Variants in HTR2C observed in about 807,000 individuals in gnomAD.
HTR2C encodes the protein 5-hydroxytryptamine receptor 2C.
A neutral mutation model predicts 21.0 loss-of-function variants in HTR2C; 5 were observed. The observed-to-expected ratio is 0.24, with a 90% CI of 0.12 to 0.50. The LOEUF (loss-of-function observed/expected upper bound fraction) is 0.50. HTR2C is among the 20% of genes least tolerant of loss of function. The pLI, the probability that HTR2C is intolerant of heterozygous loss-of-function variation, is 0.98. For missense variants in HTR2C, 271 were observed against 371.2 expected, an observed-to-expected ratio of 0.73 and a Z score of 2.22; for synonymous variants, 150 against 145.3, an observed-to-expected ratio of 1.03 and a Z score of -0.23.
chrX:114,642,783 G>T (rs1366843617), intron 2 of HTR2C, among the ~76,000 whole-genome samples: 1 of 100,344 alleles, frequency 1.0e-5, no homozygotes, highest in Non-Finnish European at 2.0e-5. Flanking sequence ...GCAGTGGATT[G>T]TAATTTTTTA....
At chrX:114,854,351 A>T (rs782466451) in intron 5 of HTR2C, among the ~76,000 whole-genome samples, 17 of 111,604 alleles carry the variant, frequency 1.5e-4, no homozygotes, top group African/African-American at 5.2e-4. Flanking sequence ...TAGCTCTATT[A>T]AAAAAAGCTA....
At chrX:114,628,737 T>C (rs1317233605) in intron 2 of HTR2C, among the ~76,000 whole-genome samples, 16 of 111,734 alleles carry the variant, frequency 1.4e-4, no homozygotes, top group African/African-American at 4.9e-4. Context: ...AAGGTAGTGA[T>C]AGAATAACAG....
In HTR2C at chrX:114,850,577, G is replaced by A. The variant is rs782374959; in HGVS notation, c.550+2374G>A. Among the ~76,000 whole-genome samples the A allele has an allele frequency of 8.1e-5, 9 of 111,494 alleles. No individual in the cohort carries two copies. In the South Asian group the frequency reaches 3.4e-3, roughly 42 times the overall value. On this transcript the variant is annotated intron_variant, in intron 5 of 5. Transcript: ENST00000276198. ...AGCTACTCAGAAGGTTGAGGCAGGA[G>A]CATCACTTGAACTCAAGTGTCTTGA...
At chrX:114,887,045 T>A (rs1556481730) in intron 5 of HTR2C, among the ~76,000 whole-genome samples, 1 of 112,247 alleles carries the variant, frequency 8.9e-6, no homozygotes, top group Non-Finnish European at 1.9e-5. Context: ...CATGCCATAG[T>A]AAAAAATGTG....
chrX:114,738,786 C>T (rs1017417034), intron 4 of HTR2C, among the ~76,000 whole-genome samples: 3 of 108,597 alleles, frequency 2.8e-5, no homozygotes, highest in Non-Finnish European at 5.7e-5. Flanking sequence ...TCGCATGTAT[C>T]CCAGAACTTA....
chrX:114,889,072 A>C (rs1455731857), intron 5 of HTR2C, among the ~76,000 whole-genome samples: 1 of 112,031 alleles, frequency 8.9e-6, no homozygotes, highest in Non-Finnish European at 1.9e-5. Flanking sequence ...CAATTTAAAT[A>C]TTATAATGTA....
intron 4 of HTR2C, among the ~76,000 whole-genome samples, chrX:114,749,706 A>T (rs2069743214): frequency 9.0e-6 from 1 of 110,829 alleles, no homozygotes; most frequent in Non-Finnish European, 1.9e-5. Flanking sequence ...GTTAAAAAAC[A>T]AAAACAACAA....
chrX:114,681,451 T>C (rs1931743699), intron 2 of HTR2C, among the ~76,000 whole-genome samples: 2 of 110,872 alleles, frequency 1.8e-5, no homozygotes, highest in South Asian at 7.6e-4. Flanking sequence ...GATGAAACAA[T>C]TGATGCTTCA....
Position 114,866,618 on chromosome X carries a change from C to T in HTR2C, c.550+18415C>T, listed in dbSNP as rs782568979. On this transcript the variant is annotated intron_variant, in intron 5 of 5. Transcript: ENST00000276198. Reference sequence around the variant, plus strand: ...CATTCTTTCTATTTTTTTTTGTACCCGTTAACCATCCCCATCTCTCCCCCC... The same window carrying T: ...CATTCTTTCTATTTTTTTTTGTACCTGTTAACCATCCCCATCTCTCCCCCC... 1.3e-4 allele frequency among the ~76,000 whole-genome samples: 14 copies of T among 108,835 alleles called. No individual in the cohort carries two copies. In the South Asian group the frequency reaches 3.6e-3, roughly 28 times the overall value. The allele number at this position is 108,835 out of a possible 115,157, so 94.5% of individuals were successfully genotyped here. A position where few individuals can be genotyped will look rare whatever the true frequency, so the allele number is the denominator to read the frequency against.
intron 2 of HTR2C, among the ~76,000 whole-genome samples, chrX:114,719,434 T>G (rs190310714): frequency 5.6e-4 from 63 of 111,582 alleles, no homozygotes; most frequent in African/African-American, 1.9e-3. Context: ...AATATCATCA[T>G]CACAGTGGCC....
chrX:114,755,240 A>T (rs1232986182), intron 4 of HTR2C, among the ~76,000 whole-genome samples: 1 of 87,620 alleles, frequency 1.1e-5, no homozygotes, highest in Non-Finnish European at 2.2e-5. Flanking sequence ...GACTTCATCT[A>T]AAAAAAAAAA....
intron 4 of HTR2C, among the ~76,000 whole-genome samples, chrX:114,796,345 T>A (rs975168860): frequency 1.6e-4 from 18 of 111,493 alleles, no homozygotes; most frequent in Non-Finnish European, 3.4e-4. Flanking sequence ...AGCTCAGGAT[T>A]GGGTATTTTA....
chrX:114,787,472 A>C (rs1556442373), intron 4 of HTR2C, among the ~76,000 whole-genome samples: 1 of 111,863 alleles, frequency 8.9e-6, no homozygotes, highest in Non-Finnish European at 1.9e-5. Context: ...GGTATGGAAA[A>C]AATGAACTGA....
At chrX:114,631,805 C>CT (rs1929638531) in intron 2 of HTR2C, among the ~76,000 whole-genome samples, 1 of 110,859 alleles carries the variant, frequency 9.0e-6, no homozygotes, top group Non-Finnish European at 1.9e-5. Context: ...TCCTGGCCCC[C>CT]TTTTTGTCCA....
chrX:114,686,429 A>G (rs920363594), intron 2 of HTR2C, among the ~76,000 whole-genome samples: 2 of 111,375 alleles, frequency 1.8e-5, no homozygotes, highest in Admixed American at 9.7e-5. Context: ...TATTGCTAGA[A>G]TTATTCATCT....
chrX:114,775,941 T>C, intron 4 of HTR2C: 1 of 372,959 alleles, frequency 2.7e-6, no homozygotes, highest in South Asian at 3.9e-5. Flanking sequence ...ACCTCAATAC[T>C]GGCCTGGGTC....
chrX:114,790,656 C>G (rs2070221822), intron 4 of HTR2C, among the ~76,000 whole-genome samples: 1 of 111,683 alleles, frequency 9.0e-6, no homozygotes, highest in Non-Finnish European at 1.9e-5. Context: ...ATGTACATGT[C>G]TATTAGAGGC....
chrX:114,886,166 T>C (rs1371556890), intron 5 of HTR2C, among the ~76,000 whole-genome samples: 1 of 111,469 alleles, frequency 9.0e-6, no homozygotes, highest in Non-Finnish European at 1.9e-5. Context: ...GTATATCCTC[T>C]TTAGCTCTCT....
At chrX:114,793,353 G>A (rs183535374) in intron 4 of HTR2C, among the ~76,000 whole-genome samples, 79 of 111,462 alleles carry the variant, frequency 7.1e-4, no homozygotes, top group Non-Finnish European at 1.2e-3. Context: ...GCTCCTTGGA[G>A]GACATTGACG....
Sources: gnomAD v4.1 joint callset for allele counts (sites outside exome capture counted in the v4.1 genomes callset) on GRCh38, gnomAD v4.1.1 for gene constraint, MANE v1.5 for transcripts, NCBI Gene and HGNC (gene_info 2026-07-23, HGNC 2026-07-21) for gene names.